The following ZMYM4 variants were observed in gnomAD, a reference collection of about 807,000 sequenced individuals.
The protein encoded by ZMYM4 is zinc finger MYM-type protein 4.
Under a neutral mutation model 183.2 loss-of-function variants are expected in ZMYM4, and 31 were observed. The ratio of observed to expected loss-of-function variants is 0.17; its 90% CI spans 0.13 to 0.23. The LOEUF is 0.23. Among genes scored for constraint, ZMYM4 ranks in the 10% least tolerant of loss-of-function variants. The pLI is 1.00. For missense variants in ZMYM4, 1,273 were observed against 1,840.3 expected (o/e 0.69, Z 5.64); for synonymous variants, 592 against 631.2 (o/e 0.94, Z 0.93).
intron 1 of ZMYM4, among the ~76,000 whole-genome samples, chr1:35,321,535 A>T (rs921679187): frequency 4.6e-5 from 7 of 151,960 alleles, no homozygotes; most frequent in African/African-American, 1.7e-4. Flanking sequence ...TAGATTTTGG[A>T]GAGTCTTATA....
At chr1:35,301,333 G>T (rs763668056) in intron 1 of ZMYM4, among the ~76,000 whole-genome samples, 1 of 152,094 alleles carries the variant, frequency 6.6e-6, no homozygotes, top group Non-Finnish European at 1.5e-5. Flanking sequence ...GATCACTTAA[G>T]GTCAGGAGTT....
intron 7 of ZMYM4, 78 bp from the exon 8 acceptor site, chr1:35,381,181 A>G: frequency 8.2e-7 from 1 of 1,225,408 alleles, no homozygotes; most frequent in East Asian, 2.4e-5. Context: ...CCTCTGTTTT[A>G]TTTAGTTATT....
At chr1:35,301,591 A>C (rs1251824225) in intron 1 of ZMYM4, among the ~76,000 whole-genome samples, 1 of 151,680 alleles carries the variant, frequency 6.6e-6, no homozygotes, top group African/African-American at 2.4e-5. Context: ...GGTTGATGGA[A>C]CATGAACTAT....
chr1:35,381,451 T>C lies in ZMYM4; in HGVS notation c.1356+18T>C, dbSNP rs1171600080. 1 of 1,604,224 alleles carries C rather than the reference T, an allele frequency of 6.2e-7. No homozygotes were observed. ...ATGCTGTTGTAAGTTACCATTTTCC[T>C]TTATTGGGGCAGGAGTCTAATACGT... On this transcript the variant is annotated intron_variant, in intron 8 of 29. Transcript: ENST00000314607.
At chr1:35,378,680 G>A (rs1195861027) in intron 7 of ZMYM4, among the ~76,000 whole-genome samples, 1 of 152,150 alleles carries the variant, frequency 6.6e-6, no homozygotes, top group Non-Finnish European at 1.5e-5. Flanking sequence ...CAGTCAGCCT[G>A]TCCTTTGAAG....
chr1:35,278,598 T>C (rs533301547), intron 1 of ZMYM4, among the ~76,000 whole-genome samples: 1 of 152,246 alleles, frequency 6.6e-6, no homozygotes, highest in South Asian at 2.1e-4. Flanking sequence ...GCTAATTTTT[T>C]GTATTTTTAG....
rs1644593752 is a variant in ZMYM4, at chr1:35,387,051, T to A, written c.1885T>A (p.Ser629Thr). Residue 629 changes from serine (S) to threonine (T), a missense_variant, in exon 12 of 30, where the codon TCT (serine) becomes ACT (threonine). Transcript: ENST00000314607. ...TGMNSSVVPLSQGQVIVSIPT... is the reference protein window; with the variant it reads ...TGMNSSVVPLTQGQVIVSIPT... ...AATGAATTCTTCAGTAGTGCCCTTG[T>A]CTCAGGGCCAAGTAATTGTAAGCAT... is the stretch of plus-strand genomic sequence containing the variant. The A allele has an allele frequency of 1.2e-6, 2 of 1,614,114 alleles. No homozygotes were observed. The highest frequency in any genetic ancestry group is 1.7e-5 in the Admixed American group (1 of 60,006).
chr1:35,316,192 AGGAGTGAAGTT>A (rs1479960465), intron 1 of ZMYM4, among the ~76,000 whole-genome samples: 1 of 152,208 alleles, frequency 6.6e-6, no homozygotes, highest in African/African-American at 2.4e-5. Context: ...CGAGTCCCAG[AGGAGTGAAGTT>A]TCTCCCTTAA....
chr1:35,321,576 G>A (rs1357580892), intron 1 of ZMYM4, among the ~76,000 whole-genome samples: 1 of 149,318 alleles, frequency 6.7e-6, no homozygotes, highest in African/African-American at 2.5e-5. Context: ...TTTTTCTTGG[G>A]AGACTTTCAG....
At chr1:35,312,129 T>C (rs1295135576) in intron 1 of ZMYM4, among the ~76,000 whole-genome samples, 1 of 152,214 alleles carries the variant, frequency 6.6e-6, no homozygotes, top group African/African-American at 2.4e-5. Flanking sequence ...TGTTTCTGAC[T>C]GTTCAAAGAT....
intron 3 of ZMYM4, among the ~76,000 whole-genome samples, chr1:35,360,261 A>G (rs985644891): frequency 6.6e-6 from 1 of 151,996 alleles, no homozygotes; most frequent in African/African-American, 2.4e-5. Flanking sequence ...ATAGTTCTAT[A>G]TTTGTTTTAC....
chr1:35,391,333 T>TC (rs1207063922), intron 15 of ZMYM4, among the ~76,000 whole-genome samples: 2 of 152,138 alleles, frequency 1.3e-5, no homozygotes, highest in South Asian at 2.1e-4. Context: ...CTCATTGTTC[T>TC]CCCCCACCTG....
chr1:35,271,161 T>C (rs1016155840), intron 1 of ZMYM4, among the ~76,000 whole-genome samples: 1 of 152,212 alleles, frequency 6.6e-6, no homozygotes, highest in Non-Finnish European at 1.5e-5. Flanking sequence ...AGATATGTAA[T>C]GTTAATTCAG....
intron 1 of ZMYM4, among the ~76,000 whole-genome samples, chr1:35,313,726 G>T (rs1464313159): frequency 6.6e-6 from 1 of 151,950 alleles, no homozygotes; most frequent in East Asian, 1.9e-4. Flanking sequence ...CTTAGAGGTT[G>T]GGAGATTGTA....
At chr1:35,378,984 A>G (rs1644393204) in intron 7 of ZMYM4, among the ~76,000 whole-genome samples, 1 of 152,076 alleles carries the variant, frequency 6.6e-6, no homozygotes, top group South Asian at 2.1e-4. Context: ...AATTCAAGAG[A>G]ATTAGGGCCT....
chr1:35,406,745 T>TA lies in ZMYM4; in HGVS notation c.3797-1262dup, dbSNP rs1172657556. Among the ~76,000 whole-genome samples the TA allele has an allele frequency of 8.5e-5, 13 of 152,296 alleles. 2 individuals carry two copies. Among genetic ancestry groups the TA allele is most frequent in the African/African-American group, 2.6e-4 (11 of 41,556 alleles). On this transcript the variant is annotated intron_variant, in intron 25 of 29. Transcript: ENST00000314607. ...AAACATGGTCGGTGCTCTCATGAGATACGGCTTGCTTTAACTAAAACCCAA... is the reference window on the plus strand; with the variant it reads ...AAACATGGTCGGTGCTCTCATGAGATAACGGCTTGCTTTAACTAAAACCCAA...
rs914790293 is a variant in ZMYM4, at chr1:35,312,764, A to G, written c.40-12596A>G. Among the ~76,000 whole-genome samples the G allele has an allele frequency of 3.2e-5, 4 of 126,424 alleles. No homozygotes were observed. The Admixed American group carries it at 4.0e-4, about 13-fold the overall frequency. 82.9% of individuals were successfully genotyped at this position (126,424 alleles called of 152,430 possible). A position where few individuals can be genotyped will look rare whatever the true frequency, so the allele number is the denominator to read the frequency against. The stretch of plus-strand genomic sequence containing the variant: ...GAGACAGAGTCTCACTCTGTTGCCC[A>G]GGCTGGAGTGCAGTGGCACAATCTT... On this transcript the variant is annotated intron_variant, in intron 1 of 29. Transcript: ENST00000314607.
intron 1 of ZMYM4, among the ~76,000 whole-genome samples, chr1:35,314,401 C>T (rs1414033480): frequency 1.3e-5 from 2 of 151,918 alleles, no homozygotes; most frequent in Non-Finnish European, 2.9e-5. Context: ...TCTCCTGCCT[C>T]AGCCTCCTGA....
intron 1 of ZMYM4, among the ~76,000 whole-genome samples, chr1:35,282,479 A>G (rs1478396574): frequency 1.3e-5 from 2 of 152,208 alleles, no homozygotes; most frequent in African/African-American, 2.4e-5. Flanking sequence ...TTACAGCAAG[A>G]CTAAACAGAC....
Sources: gnomAD v4.1 joint callset for allele counts (sites outside exome capture counted in the v4.1 genomes callset) on GRCh38, gnomAD v4.1.1 for gene constraint, MANE v1.5 for transcripts, NCBI Gene and HGNC (gene_info 2026-07-23, HGNC 2026-07-21) for gene names.